Variants in TENM3 observed in about 807,000 individuals in gnomAD.
TENM3 encodes teneurin transmembrane protein 3, also known as teneurin-3.
Under a neutral mutation model 255.1 loss-of-function variants are expected in TENM3, and 63 were observed. The ratio of observed to expected loss-of-function variants is 0.25; its 90% CI spans 0.20 to 0.30. The LOEUF (loss-of-function observed/expected upper bound fraction) is 0.30, where lower values mean the gene tolerates loss of function less well. TENM3 is among the 10% of genes least tolerant of loss of function. TENM3 has a pLI of 1.00. For synonymous variants in TENM3, 1,306 were observed against 1,322.3 expected, an observed-to-expected ratio of 0.99 and a Z score of 0.27; for missense variants, 2,929 against 3,461.1, an observed-to-expected ratio of 0.85 and a Z score of 3.86.
intron 3 of TENM3, among the ~76,000 whole-genome samples, chr4:182,460,353 A>T (rs1774240211): frequency 6.6e-6 from 1 of 152,144 alleles, no homozygotes; most frequent in Non-Finnish European, 1.5e-5. Context: ...ATCTGATAAC[A>T]TGACAATGTC....
At chr4:182,559,127 A>ATTTTTTTT (rs70956518) in intron 3 of TENM3, among the ~76,000 whole-genome samples, 1 of 107,480 alleles carries the variant, frequency 9.3e-6, no homozygotes, top group African/African-American at 3.8e-5. Flanking sequence ...ATTCCTCGGG[A>ATTTTTTTT]TTTTTTTTTT....
chr4:182,068,206 G>A, the TENM3 span, among the ~76,000 whole-genome samples: 1 of 152,002 alleles, frequency 6.6e-6, no homozygotes, highest in Admixed American at 6.6e-5. Flanking sequence ...ATAGAATAAG[G>A]CACCTTTTTA....
chr4:182,500,819 A>G (rs1342677445), intron 3 of TENM3, among the ~76,000 whole-genome samples: 2 of 152,158 alleles, frequency 1.3e-5, no homozygotes, highest in African/African-American at 4.8e-5. Context: ...TGATAATCCT[A>G]GAAAGTTCTG....
At chr4:182,691,809 A>G (rs780793405) in intron 12 of TENM3, among the ~76,000 whole-genome samples, 35 of 152,214 alleles carry the variant, frequency 2.3e-4, no homozygotes, top group Non-Finnish European at 3.8e-4. Flanking sequence ...CCTTTAATAA[A>G]TAAAGAAAAA....
At chr4:182,076,501 C>T in the TENM3 span, among the ~76,000 whole-genome samples, 1 of 152,154 alleles carries the variant, frequency 6.6e-6, no homozygotes, top group Non-Finnish European at 1.5e-5. Context: ...CACTCCCAGC[C>T]TCTTTCTCCT....
the TENM3 span, among the ~76,000 whole-genome samples, chr4:181,726,142 G>A: frequency 6.6e-6 from 1 of 151,696 alleles, no homozygotes; most frequent in Admixed American, 6.6e-5. Context: ...TATGAAATTA[G>A]CAAATTTTAT....
chr4:181,460,161 C>T, the TENM3 span, among the ~76,000 whole-genome samples: 14 of 151,860 alleles, frequency 9.2e-5, no homozygotes, highest in Admixed American at 4.6e-4. Context: ...CAAATTGACA[C>T]GGTATTCTGC....
the TENM3 span, among the ~76,000 whole-genome samples, chr4:181,693,178 T>C: frequency 6.6e-6 from 1 of 152,226 alleles, no homozygotes; most frequent in Non-Finnish European, 1.5e-5. Context: ...TCCTCCTGTA[T>C]AACTATTTTA....
intron 3 of TENM3, among the ~76,000 whole-genome samples, chr4:182,563,294 AT>A (rs1743407746): frequency 6.6e-6 from 1 of 152,024 alleles, no homozygotes; most frequent in African/African-American, 2.4e-5. Flanking sequence ...GCCAGGTATG[AT>A]GGTGTATGCC....
chr4:181,965,876 G>A, the TENM3 span, among the ~76,000 whole-genome samples: 1 of 152,162 alleles, frequency 6.6e-6, no homozygotes, highest in Non-Finnish European at 1.5e-5. Context: ...ATCACTTGGA[G>A]TGATGCTAAG....
chr4:182,667,827 A>T (rs1156796613), intron 6 of TENM3, among the ~76,000 whole-genome samples: 3 of 152,054 alleles, frequency 2.0e-5, no homozygotes, highest in Non-Finnish European at 2.9e-5. Context: ...GAGGGATAGC[A>T]TTAGGAGATA....
intron 1 of TENM3, among the ~76,000 whole-genome samples, chr4:182,285,182 G>C (rs556615138): frequency 6.6e-6 from 1 of 152,102 alleles, no homozygotes; most frequent in South Asian, 2.1e-4. Flanking sequence ...AATACTACAG[G>C]CTTTGGGTTA....
At chr4:182,504,616 G>A (rs916969360) in intron 3 of TENM3, among the ~76,000 whole-genome samples, 8 of 152,150 alleles carry the variant, frequency 5.3e-5, no homozygotes, top group Non-Finnish European at 1.0e-4. Context: ...GTTCTTATTC[G>A]CATGCGAATG....
chr4:181,910,182 T>C, the TENM3 span, among the ~76,000 whole-genome samples: 6 of 152,218 alleles, frequency 3.9e-5, no homozygotes, highest in Admixed American at 3.9e-4. Flanking sequence ...TGCATATATA[T>C]AGTAGCCTAT....
At chr4:181,873,895 C>G in the TENM3 span, among the ~76,000 whole-genome samples, 1 of 152,088 alleles carries the variant, frequency 6.6e-6, no homozygotes, top group Non-Finnish European at 1.5e-5. Flanking sequence ...AGCGATTCTC[C>G]TACCTCAGCT....
At chr4:182,273,058 A>G (rs559173052) in intron 1 of TENM3, among the ~76,000 whole-genome samples, 1 of 152,348 alleles carries the variant, frequency 6.6e-6, no homozygotes, top group South Asian at 2.1e-4. Flanking sequence ...GTCAGTGAAG[A>G]TGGTTGTAAC....
At position 182,243,946 on chromosome 4, in the gene TENM3, C is replaced by CTTTTT. The variant is rs967487689; in HGVS notation, c.-76+491_-76+495dup. ...CCAAGAATGGAATCATTTGTGTTTT[C>CTTTTT]TTTTTTTTTTTTTTTTTTTTTTTTT... On this transcript the variant is annotated intron_variant, in intron 1 of 27. Transcript: ENST00000511685. 1.2e-3 allele frequency among the ~76,000 whole-genome samples: 84 copies of CTTTTT among 72,874 alleles called. 1 individual carries two copies. The highest frequency in any genetic ancestry group is 1.4e-3 in the African/African-American group (25 of 17,654). The allele number at this position is 72,874 out of a possible 152,430, so 47.8% of individuals were successfully genotyped here.
chr4:182,144,175 C>T (rs1749695354), upstream of TENM3: 1 of 146,380 alleles, frequency 6.8e-6, no homozygotes, highest in South Asian at 2.2e-4. Context: ...GGCTCCTCTC[C>T]TCTCCTCCTC....
At chr4:181,452,003 G>A in the TENM3 span, among the ~76,000 whole-genome samples, 1 of 152,250 alleles carries the variant, frequency 6.6e-6, no homozygotes, top group Non-Finnish European at 1.5e-5. Flanking sequence ...AGAGAAGTGG[G>A]AGGAAAACCT....
Sources: gnomAD v4.1 joint callset for allele counts (sites outside exome capture counted in the v4.1 genomes callset) on GRCh38, gnomAD v4.1.1 for gene constraint, MANE v1.5 for transcripts, NCBI Gene and HGNC (gene_info 2026-07-23, HGNC 2026-07-21) for gene names.